Variants in ABCC9 observed in about 807,000 individuals in gnomAD.
ABCC9 encodes ATP-binding cassette sub-family C member 9.
A neutral mutation model predicts 188.3 loss-of-function variants in ABCC9; 95 were observed. The ratio of observed to expected loss-of-function variants is 0.50; its 90% CI spans 0.43 to 0.60. The LOEUF (loss-of-function observed/expected upper bound fraction) is 0.60, where lower values mean the gene tolerates loss of function less well. ABCC9 is among the 20% of genes least tolerant of loss of function. The pLI is 0.00. For missense variants in ABCC9, 1,102 were observed against 1,876.3 expected (o/e 0.59, Z 7.62); for synonymous variants, 659 against 652.7 (o/e 1.01, Z -0.15).
At chr12:21,923,805 C>T (rs1466664794) in intron 5 of ABCC9, 1 of 699,054 alleles carries the variant, frequency 1.4e-6, no homozygotes, top group East Asian at 2.7e-5. Flanking sequence ...CATATAGCCA[C>T]AAAATACTTA....
chr12:21,907,314 A>G (rs1826365), intron 11 of ABCC9, among the ~76,000 whole-genome samples: 150,640 of 152,138 alleles, frequency 0.99, 74,595 homozygotes, highest in East Asian at 1. Flanking sequence ...AACAAGTGAT[A>G]AACACCGCTT....
intron 3 of ABCC9, among the ~76,000 whole-genome samples, chr12:21,934,658 T>C (rs546312454): frequency 1.8e-4 from 28 of 152,208 alleles, no homozygotes; most frequent in Non-Finnish European, 2.6e-4. Context: ...CTAGGTCATG[T>C]AGAGTAATAC....
At position 21,807,402 on chromosome 12, in the gene ABCC9, G is replaced by A; in HGVS notation, c.4393C>T (p.Arg1465Cys). 1.2e-6 allele frequency: 2 copies of A among 1,613,922 alleles called. No individual in the cohort carries two copies. The highest frequency in any genetic ancestry group is 1.7e-6 in the Non-Finnish European group (2 of 1,179,870). ...QLFCLARAFV[R>C]KSSILIMDEA... ...TCCATAATAAGAATGCTGCTTTTGC[G>A]GACAAAGGCCCTGGCAAGGCAAAAT... Residue 1465 changes from arginine (R) to cysteine (C), a missense_variant, in exon 38 of 40, where the codon CGC becomes TGC. By Grantham distance (180) the Arg-to-Cys change is radical. Transcript: ENST00000261200.
Position 21,926,124 on chromosome 12 carries a change from T to A in ABCC9, c.285-61A>T. ...GGTTCCAGATAATTTCTTATTTTTT[T>A]TCAAATTTTTTCATAAGAACTCTAT... On this transcript the variant is annotated intron_variant, in intron 4 of 39. Transcript: ENST00000261200. 1.9e-6 allele frequency: 3 copies of A among 1,608,350 alleles called. No individual in the cohort carries two copies. The South Asian group carries it at 3.3e-5, about 18-fold the overall frequency.
At chr12:21,814,105 ATGTGTATGTTT>A (rs1942445594) in intron 35 of ABCC9, among the ~76,000 whole-genome samples, 2 of 152,096 alleles carry the variant, frequency 1.3e-5, no homozygotes, top group Admixed American at 6.6e-5. Flanking sequence ...TGGTGGATGA[ATGTGTATGTTT>A]TGTGTATGTT....
At chr12:21,919,628 T>A (rs1948728736) in intron 5 of ABCC9, among the ~76,000 whole-genome samples, 1 of 151,972 alleles carries the variant, frequency 6.6e-6, no homozygotes, top group Non-Finnish European at 1.5e-5. Flanking sequence ...ATTTATAATT[T>A]TAAATCCTCC....
rs1941238430 is a variant in ABCC9, at chr12:21,798,053, AC to A, written c.*2990del. 6.6e-6 allele frequency: 1 copy of A among 152,176 alleles called. No individual in the cohort carries two copies. The highest frequency in any genetic ancestry group is 1.5e-5 in the Non-Finnish European group (1 of 68,040). The allele number at this position is 152,176 out of a possible 1,614,324, so 9.4% of individuals were successfully genotyped here. On this transcript the variant is annotated 3_prime_UTR_variant, in exon 40 of 40. Coordinates refer to ENST00000261200, the MANE Select transcript of ABCC9 (RefSeq NM_020297.4). The stretch of plus-strand genomic sequence containing the variant: ...TAATCAATGAAAAACATTATCCTTG[AC>A]CTTATTTAGTCAATTTAGTTTGTAA...
Position 21,812,140 on chromosome 12 carries a change from C to G in ABCC9, c.4120G>C (p.Gly1374Arg). 6.2e-7 allele frequency: 1 copy of G among 1,610,178 alleles called. No homozygotes were observed. Among genetic ancestry groups the G allele is most frequent in the Non-Finnish European group, 8.5e-7 (1 of 1,176,666 alleles). Residue 1374 changes from glycine (G) to arginine (R), a missense_variant, in exon 36 of 40, where the codon GGG becomes CGG. Gly to Arg is a moderately radical substitution (Grantham distance 125). Around this residue, in one of 12 missense-constraint regions of ABCC9, gnomAD observed 67 missense variants for 101.0 expected, o/e 0.66. Coordinates refer to ENST00000261200, the MANE Select transcript of ABCC9 (RefSeq NM_020297.4). Reference protein sequence around the residue: ...DIFDGKIVIDGIDISKLPLHT... With the variant: ...DIFDGKIVIDRIDISKLPLHT... ...AGTGGTAATTTGGAAATGTCTATCC[C>G]ATCAATGACAATTTTTCCTGTTAAG... is the stretch of plus-strand genomic sequence containing the variant.
At chr12:21,917,691 C>A (rs1211591010) in intron 5 of ABCC9, among the ~76,000 whole-genome samples, 2 of 152,250 alleles carry the variant, frequency 1.3e-5, no homozygotes, top group Non-Finnish European at 2.9e-5. Context: ...ATAGAGCGAA[C>A]TGAAACGTCA....
intron 29 of ABCC9, among the ~76,000 whole-genome samples, chr12:21,839,481 C>A (rs550426250): frequency 6.6e-6 from 1 of 152,262 alleles, no homozygotes; most frequent in Non-Finnish European, 1.5e-5. Flanking sequence ...ACCACATGTA[C>A]ATAAAACACA....
chr12:21,846,742 G>T lies in ABCC9; in HGVS notation c.2867-910C>A, dbSNP rs564127273. Reference sequence around the variant, plus strand: ...TGTGAGAAGAACAGACTAGAAATTCGCATGATCAAAGAGGTGGACACTTGC... The same window carrying T: ...TGTGAGAAGAACAGACTAGAAATTCTCATGATCAAAGAGGTGGACACTTGC... On this transcript the variant is annotated intron_variant, in intron 25 of 39. Transcript: ENST00000261200. Among the ~76,000 whole-genome samples, 4 of 152,162 alleles carry T rather than the reference G, an allele frequency of 2.6e-5. No individual in the cohort carries two copies. The East Asian group carries it at 7.7e-4, about 29-fold the overall frequency.
intron 17 of ABCC9, among the ~76,000 whole-genome samples, chr12:21,873,800 C>G (rs913956800): frequency 4.6e-5 from 7 of 151,242 alleles, no homozygotes; most frequent in Non-Finnish European, 7.4e-5. Context: ...GGGGTTTCAA[C>G]AAACTGGATA....
At chr12:21,885,518 CT>C (rs779656055) in intron 15 of ABCC9, among the ~76,000 whole-genome samples, 1 of 152,160 alleles carries the variant, frequency 6.6e-6, no homozygotes, top group Non-Finnish European at 1.5e-5. Context: ...TCTCACTCTG[CT>C]TATCCCCCTA....
At chr12:21,924,911 A>G (rs1948988528) in intron 5 of ABCC9, 1 of 152,178 alleles carries the variant, frequency 6.6e-6, no homozygotes, top group Non-Finnish European at 1.5e-5. Flanking sequence ...ATTGCCTTTA[A>G]CAATCATATA....
At chr12:21,828,050 C>T (rs766205347) in intron 31 of ABCC9, among the ~76,000 whole-genome samples, 5 of 152,164 alleles carry the variant, frequency 3.3e-5, no homozygotes, top group African/African-American at 4.8e-5. Context: ...GTTAGTGAAA[C>T]GCAATTAGTG....
intron 14 of ABCC9, among the ~76,000 whole-genome samples, chr12:21,888,322 G>A (rs573300265): frequency 2.3e-4 from 35 of 152,090 alleles, no homozygotes; most frequent in Non-Finnish European, 4.4e-4. Context: ...TAGTATTCTA[G>A]TTTTACAAAT....
chr12:21,803,903 C>T (rs941904343), intron 39 of ABCC9, among the ~76,000 whole-genome samples: 3 of 152,128 alleles, frequency 2.0e-5, no homozygotes, highest in African/African-American at 7.2e-5. Flanking sequence ...CTTGTTAAGG[C>T]ATTCCACAAT....
chr12:21,834,449 C>A (rs1666413210), intron 30 of ABCC9, among the ~76,000 whole-genome samples: 1 of 151,986 alleles, frequency 6.6e-6, no homozygotes, highest in Admixed American at 6.6e-5. Context: ...TAGAGCAGTC[C>A]CTTAGGCTTT....
In ABCC9 at chr12:21,836,059, C is replaced by G. The variant is rs829070; in HGVS notation, c.3566+2019G>C. ...TCCTAAATCTCATTGTTCCCACTTCCTAAATATTCCTTAAATCTGTGCTTT... is the reference window on the plus strand; with the variant it reads ...TCCTAAATCTCATTGTTCCCACTTCGTAAATATTCCTTAAATCTGTGCTTT... On this transcript the variant is annotated intron_variant, in intron 30 of 39. Transcript: ENST00000261200. 6.9e-3 allele frequency among the ~76,000 whole-genome samples: 1,058 copies of G among 152,248 alleles called. 17 individuals are homozygous for G. Among genetic ancestry groups the G allele is most frequent in the African/African-American group, 0.023 (973 of 41,536 alleles).
Sources: allele counts gnomAD v4.1 joint callset (sites outside exome capture counted in the v4.1 genomes callset), GRCh38; gene constraint gnomAD v4.1.1; regional missense constraint gnomAD v4.1.1; transcripts MANE v1.5; gene names NCBI Gene and HGNC (gene_info 2026-07-23, HGNC 2026-07-21).